Variants in PRDM16 observed in about 807,000 individuals in gnomAD.
PRDM16 encodes the protein PR/SET domain 16.
Under a neutral mutation model 110.6 loss-of-function variants are expected in PRDM16, and 23 were observed. The observed-to-expected ratio is 0.21, with a 90% confidence interval of 0.15 to 0.29. The LOEUF (loss-of-function observed/expected upper bound fraction) is 0.29. PRDM16 is among the 10% of genes least tolerant of loss of function. PRDM16 has a pLI of 1.00. For synonymous variants in PRDM16, 799 were observed against 781.8 expected (o/e 1.02, Z -0.37); for missense variants, 1,615 against 1,794.3 (o/e 0.90, Z 1.81).
Position 3,412,588 on chromosome 1 carries a change from C to T in PRDM16, c.2391C>T (p.Ser797=), listed in dbSNP as rs370931714. 124 of 1,603,730 alleles carry T rather than the reference C, an allele frequency of 7.7e-5. No homozygotes were observed. In the African/African-American group the frequency reaches 1.2e-3, roughly 16 times the overall value. ...PMPKGPSAPA[S]GEEQPLDLSI... is the part of the protein sequence containing the mutation. ...CCAAGGGCCCCTCGGCCCCCGCATC[C>T]GGCGAGGAGCAGCCGCTGGACCTGA... is the stretch of plus-strand genomic sequence containing the variant. Residue 797 remains serine (S), a synonymous_variant, in exon 9 of 17, where the codon TCC becomes TCT. Transcript: ENST00000270722.
At chr1:3,251,322 A>AGGTGGGGTGC (rs1557558569) in intron 3 of PRDM16, among the ~76,000 whole-genome samples, 2 of 151,002 alleles carry the variant, frequency 1.3e-5, no homozygotes, top group African/African-American at 4.9e-5. Context: ...AGGTGGGGTG[A>AGGTGGGGTGC]GGGCGCAGCC....
At position 3,353,502 on chromosome 1, in the gene PRDM16, C is replaced by G. The variant is rs1051545119; in HGVS notation, c.439-31650C>G. ...CCCTGGCTTCTGGCAGGCACCTGGG[C>G]CATGGGAGCCCAAGGGTGGCTCCCT... On this transcript the variant is annotated intron_variant, in intron 3 of 16. Coordinates refer to ENST00000270722, the MANE Select transcript of PRDM16 (RefSeq NM_022114.4). This position sits in a 1 kb window ranked among gnomAD's most constrained non-coding sequence, Gnocchi z 5.4. Among the ~76,000 whole-genome samples, 3 of 152,210 alleles carry G rather than the reference C, an allele frequency of 2.0e-5. No homozygotes were observed. The highest frequency in any genetic ancestry group is 7.2e-5 in the African/African-American group (3 of 41,458).
At chr1:3,254,644 A>G (rs1281207573) in intron 3 of PRDM16, among the ~76,000 whole-genome samples, 3 of 152,214 alleles carry the variant, frequency 2.0e-5, no homozygotes, top group African/African-American at 4.8e-5. Context: ...CCACTGCTCA[A>G]TGAAATAAAA....
intron 1 of PRDM16, among the ~76,000 whole-genome samples, chr1:3,098,836 T>C (rs1287455433): frequency 6.6e-6 from 1 of 152,168 alleles, no homozygotes; most frequent in East Asian, 1.9e-4. Context: ...GCATACCCAC[T>C]GTCCTTAGCT....
rs1642236516 is a variant in PRDM16 at position 3,339,844 on chromosome 1, C to T, written c.439-45308C>T. Among the ~76,000 whole-genome samples the T allele has an allele frequency of 6.6e-6, 1 of 152,220 alleles. No individual in the cohort carries two copies. Among genetic ancestry groups the T allele is most frequent in the Non-Finnish European group, 1.5e-5 (1 of 68,034 alleles). ...CAAAGGGAGGAAGAATCCACTCTGG[C>T]CAGGGCCGGTGCTAGGGCAGCCCAG... On this transcript the variant is annotated intron_variant, in intron 3 of 16. Coordinates refer to ENST00000270722, the MANE Select transcript of PRDM16 (RefSeq NM_022114.4). The surrounding 1 kb of genome is among the most constrained non-coding windows in gnomAD (Gnocchi z 5.0).
chr1:3,137,661 C>T (rs1643466673), intron 1 of PRDM16, among the ~76,000 whole-genome samples: 3 of 152,238 alleles, frequency 2.0e-5, no homozygotes, highest in African/African-American at 4.8e-5. Context: ...CTGCGGCAAA[C>T]CCCATCCCAC....
chr1:3,261,188 G>A (rs554384966), intron 3 of PRDM16, among the ~76,000 whole-genome samples: 32 of 151,970 alleles, frequency 2.1e-4, no homozygotes, highest in African/African-American at 7.7e-4. Flanking sequence ...TCACGCCCTG[G>A]TCCTCTTAGG....
chr1:3,411,923 G>A lies in PRDM16; in HGVS notation c.1726G>A (p.Glu576Lys), dbSNP rs201517929. Residue 576 changes from glutamate to lysine, a missense_variant, in exon 9 of 17, where the codon GAG becomes AAG. This residue lies in a region of PRDM16 where 772 missense variants were observed against 748.3 expected (regional missense o/e 1.03). Coordinates refer to ENST00000270722, the MANE Select transcript of PRDM16 (RefSeq NM_022114.4). ...GGGCACGACGGCAGCTGCGGGGCCCGAGGAGAAGTTCGAGAGCCGCCTGGA... is the reference window on the plus strand; with the variant it reads ...GGGCACGACGGCAGCTGCGGGGCCCAAGGAGAAGTTCGAGAGCCGCCTGGA... The part of the protein sequence containing the change: ...SQGTTAAAGP[E>K]EKFESRLEDS... 1.1e-4 allele frequency: 175 copies of A among 1,613,650 alleles called. No homozygotes were observed. The African/African-American group carries it at 1.1e-3, about 10-fold the overall frequency.
intron 3 of PRDM16, among the ~76,000 whole-genome samples, chr1:3,277,192 C>T (rs1490604739): frequency 6.6e-6 from 1 of 152,172 alleles, no homozygotes; most frequent in South Asian, 2.1e-4. Context: ...TGGGCCTGTG[C>T]TCAGGGCTGA....
At chr1:3,414,270 G>C (rs549991272) in intron 9 of PRDM16, among the ~76,000 whole-genome samples, 3 of 152,168 alleles carry the variant, frequency 2.0e-5, no homozygotes, top group Admixed American at 1.3e-4. Flanking sequence ...GAAGGCCCTC[G>C]AGGGGACCTT....
chr1:3,146,975 G>A (rs1217107752), intron 1 of PRDM16, among the ~76,000 whole-genome samples: 5 of 134,954 alleles, frequency 3.7e-5, no homozygotes, highest in African/African-American at 8.4e-5. Context: ...TGTGCTCGGT[G>A]TGGGGTGTGT....
At chr1:3,225,567 T>TGC (rs1366449613) in intron 2 of PRDM16, among the ~76,000 whole-genome samples, 2 of 124,164 alleles carry the variant, frequency 1.6e-5, no homozygotes, top group Admixed American at 7.7e-5. Flanking sequence ...TGTGTGTGTG[T>TGC]GTGTGTGCGC....
chr1:3,141,663 A>G (rs1643552385), intron 1 of PRDM16, among the ~76,000 whole-genome samples: 1 of 152,248 alleles, frequency 6.6e-6, no homozygotes, highest in Admixed American at 6.5e-5. Flanking sequence ...ATGTGGCCAC[A>G]GTGGCTCGTT....
intron 3 of PRDM16, among the ~76,000 whole-genome samples, chr1:3,368,408 C>T (rs1201387014): frequency 6.6e-6 from 1 of 152,168 alleles, no homozygotes; most frequent in Non-Finnish European, 1.5e-5. Flanking sequence ...AGGAAGACAC[C>T]GTAGGAGACT....
Position 3,190,832 on chromosome 1 carries a change from A to C in PRDM16, c.387+4358A>C, listed in dbSNP as rs1027784337. Among the ~76,000 whole-genome samples the C allele has an allele frequency of 6.6e-6, 1 of 152,230 alleles. No homozygotes were observed. Among genetic ancestry groups the C allele is most frequent in the Non-Finnish European group, 1.5e-5 (1 of 68,028 alleles). ...TGTTGAGTAAATCATGACATTTATC[A>C]TCATGCTGTTTATTTTGCTAATTAA... On this transcript the variant is annotated intron_variant, in intron 2 of 16. Transcript: ENST00000270722. The surrounding 1 kb of genome is among the most constrained non-coding windows in gnomAD (Gnocchi z 5.0).
chr1:3,338,417 C>T (rs553334512), intron 3 of PRDM16, among the ~76,000 whole-genome samples: 9 of 152,240 alleles, frequency 5.9e-5, no homozygotes. Flanking sequence ...CTCTGTTTAC[C>T]CTTCAGTTAT....
intron 1 of PRDM16, among the ~76,000 whole-genome samples, chr1:3,118,721 A>G (rs955303974): frequency 1.4e-5 from 2 of 147,560 alleles, no homozygotes; most frequent in African/African-American, 2.6e-5. Context: ...ACTTGATCTC[A>G]GCCTGGGGGC....
rs898051632 is a variant in PRDM16, at chr1:3,185,941, G to A, written c.38-184G>A. Among the ~76,000 whole-genome samples, 6 of 152,240 alleles carry A rather than the reference G, an allele frequency of 3.9e-5. No homozygotes were observed. In the South Asian group the frequency reaches 6.2e-4, roughly 16 times the overall value. ...CATCCTCTGGAGCCTCTGACATCGAGTGATGGCAGCTGGGCTCAGGGCAGA... is the reference window on the plus strand; with the variant it reads ...CATCCTCTGGAGCCTCTGACATCGAATGATGGCAGCTGGGCTCAGGGCAGA... On this transcript the variant is annotated intron_variant, in intron 1 of 16. Transcript: ENST00000270722.
intron 2 of PRDM16, among the ~76,000 whole-genome samples, chr1:3,240,038 AAGAGGAGAGGAGAGGAGAAGAGGAGAGG>A (rs1244544252): frequency 6.6e-5 from 7 of 105,338 alleles, no homozygotes; most frequent in Admixed American, 3.0e-4. Flanking sequence ...AGGAGAGGAG[AAGAGGAGAGGAGAGGAGAAGAGGAGAGG>A]AGAGGAGAGG....
Sources: gnomAD v4.1 joint callset for allele counts (sites outside exome capture counted in the v4.1 genomes callset) on GRCh38, gnomAD v4.1.1 for gene constraint, gnomAD v4.1.1 regional missense constraint, Gnocchi (gnomAD v3.1) non-coding constraint, MANE v1.5 for transcripts, NCBI Gene and HGNC (gene_info 2026-07-23, HGNC 2026-07-21) for gene names.